ZNF804B: variants seen among roughly 807,000 people sequenced by gnomAD.
The protein encoded by ZNF804B is zinc finger 804B.
In ZNF804B, 80 loss-of-function variants were observed where a neutral mutation model predicts 101.4. The observed-to-expected ratio is 0.79, with a 90% CI of 0.66 to 0.95. The LOEUF (loss-of-function observed/expected upper bound fraction) is 0.95, where lower values mean the gene tolerates loss of function less well. Among genes scored for constraint, ZNF804B ranks in the 40% least tolerant of loss-of-function variants. The pLI is 0.00. For missense variants in ZNF804B, 1,673 were observed against 1,561.9 expected (o/e 1.07, Z -1.20); for synonymous variants, 622 against 558.8 (o/e 1.11, Z -1.59).
chr7:89,247,987 G>A (rs80083349), intron 2 of ZNF804B, among the ~76,000 whole-genome samples: 186 of 152,274 alleles, frequency 1.2e-3, no homozygotes, highest in African/African-American at 4.4e-3. Context: ...ACTGAACCAA[G>A]CCAAAGTAAG....
At chr7:89,218,944 T>C (rs1788938922) in intron 2 of ZNF804B, among the ~76,000 whole-genome samples, 1 of 151,858 alleles carries the variant, frequency 6.6e-6, no homozygotes, top group Non-Finnish European at 1.5e-5. Flanking sequence ...GTGGCAGAGG[T>C]CAAAGAAAAT....
chr7:88,839,322 T>A (rs1055772675), intron 1 of ZNF804B, among the ~76,000 whole-genome samples: 2 of 152,054 alleles, frequency 1.3e-5, no homozygotes, highest in African/African-American at 4.8e-5. Flanking sequence ...ATATACCTTT[T>A]TATATTTAGT....
rs150451306 is a variant in ZNF804B at position 89,305,526 on chromosome 7, T to TTTG, written c.250-21800_250-21798dup. Among the ~76,000 whole-genome samples, 9 of 151,894 alleles carry TTTG rather than the reference T, an allele frequency of 5.9e-5. No homozygotes were observed. The South Asian group carries it at 8.3e-4, about 14-fold the overall frequency. Reference sequence around the variant, plus strand: ...AATTAGGTGTTCTTCCTCAACATAGTTTGTTGTTGTTGTTGTTGTTTGTAG... The same window carrying TTTG: ...AATTAGGTGTTCTTCCTCAACATAGTTTGTTGTTGTTGTTGTTGTTGTTTGTAG... On this transcript the variant is annotated intron_variant, in intron 2 of 3. Transcript: ENST00000333190.
chr7:89,288,834 T>C (rs758898), intron 2 of ZNF804B, among the ~76,000 whole-genome samples: 37,040 of 152,044 alleles, frequency 0.24, 4,682 homozygotes, highest in Non-Finnish European at 0.27. Context: ...AGGGTAAATA[T>C]ATTGGTAAAT....
chr7:89,017,111 G>A (rs927338723), intron 1 of ZNF804B, among the ~76,000 whole-genome samples: 2 of 152,190 alleles, frequency 1.3e-5, no homozygotes, highest in Non-Finnish European at 2.9e-5. Context: ...GTGAATGGGA[G>A]TTCACTCATG....
chr7:89,014,470 C>T (rs1161865837), intron 1 of ZNF804B, among the ~76,000 whole-genome samples: 8 of 152,122 alleles, frequency 5.3e-5, no homozygotes, highest in Non-Finnish European at 7.4e-5. Context: ...GCGCCCGCTG[C>T]GACGCCTGGC....
At chr7:88,954,171 A>C (rs1431002328) in intron 1 of ZNF804B, among the ~76,000 whole-genome samples, 1 of 151,694 alleles carries the variant, frequency 6.6e-6, no homozygotes, top group Non-Finnish European at 1.5e-5. Flanking sequence ...CAATTTTTTG[A>C]GTTTTCAGTT....
chr7:88,935,785 A>T (rs1031311164), intron 1 of ZNF804B, among the ~76,000 whole-genome samples: 1 of 151,874 alleles, frequency 6.6e-6, no homozygotes, highest in Admixed American at 6.6e-5. Context: ...TTACTAAAAA[A>T]ATTTTTTTAT....
At chr7:89,144,983 G>C (rs912136459) in intron 1 of ZNF804B, among the ~76,000 whole-genome samples, 2 of 151,940 alleles carry the variant, frequency 1.3e-5, no homozygotes, top group African/African-American at 4.8e-5. Context: ...GTGCATTCCT[G>C]TAGTCCCAGC....
intron 1 of ZNF804B, among the ~76,000 whole-genome samples, chr7:89,009,697 C>T (rs866486581): frequency 6.6e-6 from 1 of 152,164 alleles, no homozygotes; most frequent in South Asian, 2.1e-4. Flanking sequence ...TGTGAGGACA[C>T]AGGGAGAAGA....
chr7:88,893,582 C>T (rs1480371110), intron 1 of ZNF804B, among the ~76,000 whole-genome samples: 2 of 151,934 alleles, frequency 1.3e-5, no homozygotes, highest in Non-Finnish European at 2.9e-5. Flanking sequence ...GCAAATAATA[C>T]TTATTAAAAT....
At chr7:88,993,924 A>G (rs1358119901) in intron 1 of ZNF804B, among the ~76,000 whole-genome samples, 2 of 151,968 alleles carry the variant, frequency 1.3e-5, no homozygotes, top group Non-Finnish European at 2.9e-5. Flanking sequence ...TACTGTGACT[A>G]TAATATTAGA....
intron 2 of ZNF804B, among the ~76,000 whole-genome samples, chr7:89,268,176 A>C (rs1584093289): frequency 6.6e-6 from 1 of 152,236 alleles, no homozygotes; most frequent in East Asian, 1.9e-4. Context: ...ACTTGATTAC[A>C]TTGTCTTTGA....
At chr7:88,764,890 A>C (rs1789957396) in intron 1 of ZNF804B, among the ~76,000 whole-genome samples, 1 of 152,160 alleles carries the variant, frequency 6.6e-6, no homozygotes, top group Admixed American at 6.5e-5. Context: ...TGGAATTTTC[A>C]GACGTTTTCA....
At chr7:88,781,748 G>A (rs986233390) in intron 1 of ZNF804B, among the ~76,000 whole-genome samples, 2 of 150,200 alleles carry the variant, frequency 1.3e-5, no homozygotes, top group African/African-American at 5.0e-5. Flanking sequence ...TTTGAACACA[G>A]ATCCTCAAAT....
At chr7:89,141,718 C>T (rs193263906) in intron 1 of ZNF804B, among the ~76,000 whole-genome samples, 1 of 152,034 alleles carries the variant, frequency 6.6e-6, no homozygotes, top group African/African-American at 2.4e-5. Context: ...ATCTTGCCAA[C>T]ACTCATCTTC....
intron 1 of ZNF804B, among the ~76,000 whole-genome samples, chr7:88,929,680 A>T (rs1004283343): frequency 1.3e-5 from 2 of 151,954 alleles, no homozygotes; most frequent in Admixed American, 6.6e-5. Flanking sequence ...ATTCTGTCTG[A>T]CAAGAGACTG....
At chr7:89,176,178 C>T (rs1169175635) in intron 1 of ZNF804B, among the ~76,000 whole-genome samples, 2 of 151,808 alleles carry the variant, frequency 1.3e-5, no homozygotes, top group African/African-American at 4.8e-5. Context: ...ATTCATGATA[C>T]CATGAATGGG....
chr7:88,988,397 G>A (rs532055055), intron 1 of ZNF804B, among the ~76,000 whole-genome samples: 93 of 152,172 alleles, frequency 6.1e-4, no homozygotes, highest in African/African-American at 2.2e-3. Context: ...GAGATGTGCT[G>A]CTCTATTTTG....
Sources: allele counts gnomAD v4.1 joint callset (sites outside exome capture counted in the v4.1 genomes callset), GRCh38; gene constraint gnomAD v4.1.1; transcripts MANE v1.5; gene names NCBI Gene and HGNC (gene_info 2026-07-23, HGNC 2026-07-21).